The following H2AZ2 variants were observed in gnomAD, a reference collection of about 807,000 sequenced individuals.
The protein encoded by H2AZ2 is histone H2A.V.
Under a neutral mutation model 15.5 loss-of-function variants are expected in H2AZ2, and 5 were observed. The observed-to-expected ratio is 0.32, with a 90% confidence interval of 0.17 to 0.68. The LOEUF is 0.68. Ranked by LOEUF, H2AZ2 falls within the 30% of genes least tolerant of loss-of-function variation. The probability of loss-of-function intolerance (pLI) is 0.72; values close to 1 mark genes in which losing one functional copy is unlikely to be tolerated. For synonymous variants in H2AZ2, 44 were observed against 57.4 expected, an observed-to-expected ratio of 0.77 and a Z score of 1.05; for missense variants, 42 against 162.5, an observed-to-expected ratio of 0.26 and a Z score of 4.03.
Position 44,833,024 on chromosome 7 carries a change from T to C in H2AZ2, c.*1477A>G, listed in dbSNP as rs114581316. On this transcript the variant is annotated 3_prime_UTR_variant, in exon 5 of 5. Transcript: ENST00000308153. ...AAAAGATTGTACAAATTACTGTTAT[T>C]GCATGACTAAGAGACTACTAAAAGT... Among the ~76,000 whole-genome samples, 2,223 of 152,190 alleles carry C rather than the reference T, an allele frequency of 0.015. 45 individuals carry two copies. Among genetic ancestry groups the C allele is most frequent in the African/African-American group, 0.051 (2,133 of 41,526 alleles).
At chr7:44,834,784 CTTTTT>C (rs35455193) in intron 4 of H2AZ2, 62 of 159,552 alleles carry the variant, frequency 3.9e-4, no homozygotes, top group East Asian at 1.2e-3. Flanking sequence ...GTAACCATAG[CTTTTT>C]TTTTTTTTTT....
chr7:44,835,224 T>C lies in H2AZ2; in HGVS notation c.325+305A>G, dbSNP rs186100446. ...CCTTTCCAGTGTATGTTATGCAACT[T>C]CTCCAACTCATTTTTCAAACACAGT... On this transcript the variant is annotated intron_variant, in intron 4 of 4. Coordinates refer to ENST00000308153, the MANE Select transcript of H2AZ2 (RefSeq NM_012412.5). 1.9e-4 allele frequency: 73 copies of C among 377,996 alleles called. 1 individual carries two copies. The highest frequency in any genetic ancestry group is 1.4e-3 in the Middle Eastern group (2 of 1,422). The allele number at this position is 377,996 out of a possible 1,614,324, so 23.4% of individuals were successfully genotyped here. A position where few individuals can be genotyped will look rare whatever the true frequency, so the allele number is the denominator to read the frequency against.
Position 44,833,639 on chromosome 7 carries a change from C to T in H2AZ2, c.*862G>A. Reference sequence around the variant, plus strand: ...GTGTTGGGATTACAGGCGTAAACCACAATGCCAGGCCAAAAATTGGGATTT... The same window carrying T: ...GTGTTGGGATTACAGGCGTAAACCATAATGCCAGGCCAAAAATTGGGATTT... On this transcript the variant is annotated 3_prime_UTR_variant, in exon 5 of 5. Transcript: ENST00000308153. 6 of 977,364 alleles carry T rather than the reference C, an allele frequency of 6.1e-6. No homozygotes were observed. Among genetic ancestry groups the T allele is most frequent in the Non-Finnish European group, 7.3e-6 (6 of 822,598 alleles). The allele number at this position is 977,364 out of a possible 1,614,324, so 60.5% of individuals were successfully genotyped here. A position where few individuals can be genotyped will look rare whatever the true frequency, so the allele number is the denominator to read the frequency against.
At chr7:44,831,064 G>A (rs1319040878), downstream of H2AZ2, among the ~76,000 whole-genome samples, 1 of 152,180 alleles carries the variant, frequency 6.6e-6, no homozygotes, top group Non-Finnish European at 1.5e-5. Flanking sequence ...CTACTCAGGA[G>A]GCTGAGGCAG....
chr7:44,837,730 T>C (rs1793163911), intron 3 of H2AZ2, among the ~76,000 whole-genome samples: 1 of 151,144 alleles, frequency 6.6e-6, no homozygotes, highest in African/African-American at 2.4e-5. Flanking sequence ...TGGACTCAAA[T>C]GATCTGCCCA....
At position 44,832,488 on chromosome 7, in the gene H2AZ2, ATTCT is replaced by A. The variant is rs937325821; in HGVS notation, c.*2009_*2012del. 6.6e-6 allele frequency among the ~76,000 whole-genome samples: 1 copy of A among 152,168 alleles called. No individual in the cohort carries two copies. The highest frequency in any genetic ancestry group is 1.5e-5 in the Non-Finnish European group (1 of 68,032). On this transcript the variant is annotated 3_prime_UTR_variant, in exon 5 of 5. Transcript: ENST00000308153. ...TGGGTACACAGAGCTTCATTCTGCT[ATTCT>A]TTTTGTGCATTTGTGAAAATTTCCA... is the stretch of plus-strand genomic sequence containing the variant.
rs1467929973 is a variant in H2AZ2 at position 44,832,368 on chromosome 7, T to C, written c.*2133A>G. On this transcript the variant is annotated 3_prime_UTR_variant, in exon 5 of 5. Transcript: ENST00000308153. ...CACACAGACATGAAAATACTATGCCTGTTAATGGGACTCAAACTGATCCCT... is the reference window on the plus strand; with the variant it reads ...CACACAGACATGAAAATACTATGCCCGTTAATGGGACTCAAACTGATCCCT... 6.6e-6 allele frequency among the ~76,000 whole-genome samples: 1 copy of C among 152,124 alleles called. No individual in the cohort carries two copies. Among genetic ancestry groups the C allele is most frequent in the Non-Finnish European group, 1.5e-5 (1 of 68,012 alleles).
At chr7:44,837,657 ATTTTTTGTAT>A (rs1562786522) in intron 3 of H2AZ2, among the ~76,000 whole-genome samples, 1 of 151,562 alleles carries the variant, frequency 6.6e-6, no homozygotes, top group Non-Finnish European at 1.5e-5. Flanking sequence ...CATCTGGTCA[ATTTTTTGTAT>A]TTTTTTGTAG....
chr7:44,830,645 G>T (rs1020415604), downstream of H2AZ2, among the ~76,000 whole-genome samples: 2 of 152,164 alleles, frequency 1.3e-5, no homozygotes, highest in South Asian at 4.1e-4. Flanking sequence ...CTAAAATACA[G>T]ATCTGACAAT....
chr7:44,847,371 G>C (rs1321118512), intron 1 of H2AZ2, among the ~76,000 whole-genome samples: 1 of 152,182 alleles, frequency 6.6e-6, no homozygotes, highest in East Asian at 1.9e-4. Flanking sequence ...AAGTACTGTT[G>C]TATAATGAAA....
intron 3 of H2AZ2, among the ~76,000 whole-genome samples, chr7:44,839,078 T>C (rs2031795485): frequency 6.6e-6 from 1 of 152,216 alleles, no homozygotes; most frequent in African/African-American, 2.4e-5. Flanking sequence ...AACTGAGTAA[T>C]ATACAGCAAT....
chr7:44,830,181 G>A (rs371854685), downstream of H2AZ2: 69 of 1,611,718 alleles, frequency 4.3e-5, no homozygotes, highest in Admixed American at 1.7e-5. Context: ...GAAATAACAG[G>A]ACAAATAGAG....
At chr7:44,829,932 G>T, downstream of H2AZ2, 1 of 482,984 alleles carries the variant, frequency 2.1e-6, no homozygotes, top group Non-Finnish European at 3.7e-6. Flanking sequence ...CTCATGCAAG[G>T]AAAAGCGCTC....
intron 3 of H2AZ2, among the ~76,000 whole-genome samples, 195 bp from the exon 4 acceptor site, chr7:44,835,853 G>C (rs1407053498): frequency 6.6e-6 from 1 of 151,590 alleles, no homozygotes; most frequent in Non-Finnish European, 1.5e-5. Context: ...CTGCAACAGA[G>C]ACACAAACTT....
chr7:44,831,530 TCC>T (rs368361059), downstream of H2AZ2, among the ~76,000 whole-genome samples: 1 of 148,484 alleles, frequency 6.7e-6, no homozygotes, highest in African/African-American at 2.5e-5. Context: ...TATATTGCAC[TCC>T]CCCCCCCGCT....
At chr7:44,846,062 C>CACACAGAGAGAGAG (rs57468916) in intron 1 of H2AZ2, among the ~76,000 whole-genome samples, 6 of 75,056 alleles carry the variant, frequency 8.0e-5, no homozygotes, top group Non-Finnish European at 1.6e-4. Flanking sequence ...CACACACACA[C>CACACAGAGAGAGAG]AGAGAGAGAC....
chr7:44,831,534 C>CT (rs199861257), downstream of H2AZ2, among the ~76,000 whole-genome samples: 2 of 151,772 alleles, frequency 1.3e-5, no homozygotes, highest in Non-Finnish European at 2.9e-5. Flanking sequence ...TTGCACTCCC[C>CT]CCCCCGCTTC....
chr7:44,842,993 G>A lies in H2AZ2; in HGVS notation c.81+284C>T, dbSNP rs537294145. 3.0e-3 allele frequency among the ~76,000 whole-genome samples: 454 copies of A among 151,816 alleles called. 3 individuals carry two copies. Among genetic ancestry groups the A allele is most frequent in the Non-Finnish European group, 5.2e-3 (352 of 67,958 alleles). On this transcript the variant is annotated intron_variant, in intron 2 of 4. Coordinates refer to ENST00000308153, the MANE Select transcript of H2AZ2 (RefSeq NM_012412.5). ...GTCTCTACTAAAAATACAAAAACTA[G>A]CTGGGTATGGTGGCGCACGCCTGCA...
At chr7:44,846,306 A>G (rs1793404461) in intron 1 of H2AZ2, among the ~76,000 whole-genome samples, 1 of 152,248 alleles carries the variant, frequency 6.6e-6, no homozygotes, top group Middle Eastern at 3.4e-3. Flanking sequence ...GTATCACTAG[A>G]GATTGAAAAA....
Sources: gnomAD v4.1 joint callset for allele counts (sites outside exome capture counted in the v4.1 genomes callset) on GRCh38, gnomAD v4.1.1 for gene constraint, MANE v1.5 for transcripts, NCBI Gene and HGNC (gene_info 2026-07-23, HGNC 2026-07-21) for gene names.